CARM1: variants seen among roughly 807,000 people sequenced by gnomAD.
CARM1 encodes histone-arginine methyltransferase CARM1.
Under a neutral mutation model 72.7 loss-of-function variants are expected in CARM1, and 14 were observed. The observed-to-expected ratio is 0.19, with a 90% CI of 0.13 to 0.30. The LOEUF is 0.30. Ranked by LOEUF, CARM1 falls within the 10% of genes least tolerant of loss-of-function variation. The pLI is 1.00. For synonymous variants in CARM1, 333 were observed against 345.5 expected (o/e 0.96, Z 0.40); for missense variants, 432 against 833.7 (o/e 0.52, Z 5.93).
chr19:10,897,996 A>C (rs2074036311), intron 1 of CARM1, among the ~76,000 whole-genome samples: 1 of 151,570 alleles, frequency 6.6e-6, no homozygotes, highest in African/African-American at 2.4e-5. Context: ...AGTCCCAGCT[A>C]CTCGGGAGGC....
chr19:10,895,385 G>A (rs1685630160), intron 1 of CARM1, among the ~76,000 whole-genome samples: 1 of 152,216 alleles, frequency 6.6e-6, no homozygotes, highest in African/African-American at 2.4e-5. Flanking sequence ...GATTACAGGC[G>A]CAAGCCACTG....
chr19:10,881,118 A>G (rs1380390759), intron 1 of CARM1, among the ~76,000 whole-genome samples: 1 of 152,140 alleles, frequency 6.6e-6, no homozygotes, highest in African/African-American at 2.4e-5. Context: ...TTGAGCCATA[A>G]TCGTACCACT....
Position 10,913,904 on chromosome 19 carries a change from G to A in CARM1, c.697G>A (p.Asp233Asn). 6.2e-7 allele frequency: 1 copy of A among 1,613,476 alleles called. No homozygotes were observed. The highest frequency in any genetic ancestry group is 8.5e-7 in the Non-Finnish European group (1 of 1,179,916). Reference sequence around the variant, plus strand: ...CTTGGTGAAGAGTAACAACCTGACGGACCGCATCGTGGTCATCCCGGGCAA... The same window carrying A: ...CTTGGTGAAGAGTAACAACCTGACGAACCGCATCGTGGTCATCCCGGGCAA... The part of the protein sequence containing the change: ...EVLVKSNNLT[D>N]RIVVIPGKVE... Residue 233 changes from aspartate to asparagine, a missense_variant, in exon 6 of 16, where the codon GAC (aspartate) becomes AAC (asparagine). Physicochemically the swap from Asp to Asn is conservative, Grantham distance 23. Around this residue, in one of 3 missense-constraint regions of CARM1, gnomAD observed 152 missense variants for 452.8 expected, o/e 0.34. Transcript: ENST00000327064.
chr19:10,875,141 G>T (rs1424235854), intron 1 of CARM1, among the ~76,000 whole-genome samples: 4 of 152,134 alleles, frequency 2.6e-5, no homozygotes. Context: ...AACAGGAATG[G>T]ATTCTCTCTC....
At chr19:10,886,058 T>C (rs1260485600) in intron 1 of CARM1, among the ~76,000 whole-genome samples, 1 of 144,042 alleles carries the variant, frequency 6.9e-6, no homozygotes, top group Non-Finnish European at 1.5e-5. Flanking sequence ...CTTTCTTTCT[T>C]TTTTTTTTTT....
chr19:10,897,016 T>C (rs530425491), intron 1 of CARM1, among the ~76,000 whole-genome samples: 11 of 152,256 alleles, frequency 7.2e-5, no homozygotes, highest in African/African-American at 2.6e-4. Flanking sequence ...AATAGAATCA[T>C]TGTAGCAGAG....
chr19:10,906,177 C>T (rs1204495603), intron 2 of CARM1, among the ~76,000 whole-genome samples: 1 of 151,868 alleles, frequency 6.6e-6, no homozygotes. Flanking sequence ...TGGTCTCAAA[C>T]TCCTGGCCTC....
At chr19:10,889,084 G>A (rs929114151) in intron 1 of CARM1, among the ~76,000 whole-genome samples, 1 of 152,176 alleles carries the variant, frequency 6.6e-6, no homozygotes, top group Non-Finnish European at 1.5e-5. Flanking sequence ...GCTTTCTCCA[G>A]AGCCCACCTA....
chr19:10,910,475 C>T (rs1033975461), intron 4 of CARM1, among the ~76,000 whole-genome samples: 4 of 150,668 alleles, frequency 2.7e-5, no homozygotes, highest in Admixed American at 1.3e-4. Context: ...AGCAAGACTC[C>T]GTCTTAAAAA....
intron 1 of CARM1, among the ~76,000 whole-genome samples, chr19:10,887,167 A>C (rs1179286300): frequency 6.6e-6 from 1 of 152,166 alleles, no homozygotes; most frequent in African/African-American, 2.4e-5. Context: ...CCCTCCTGCC[A>C]CTTTTCCCAC....
At chr19:10,888,423 C>G (rs747881026) in intron 1 of CARM1, among the ~76,000 whole-genome samples, 6 of 152,186 alleles carry the variant, frequency 3.9e-5, no homozygotes, top group Admixed American at 6.5e-5. Context: ...GGTTTCCCCT[C>G]TTAAAAATAG....
intron 5 of CARM1, among the ~76,000 whole-genome samples, chr19:10,913,435 G>A (rs930672363): frequency 6.6e-6 from 1 of 151,990 alleles, no homozygotes; most frequent in African/African-American, 2.4e-5. Flanking sequence ...CTACTCGGGA[G>A]GCTGAGGTGG....
At chr19:10,872,778 ATCTCT>A (rs1568343308) in intron 1 of CARM1, among the ~76,000 whole-genome samples, 1 of 150,246 alleles carries the variant, frequency 6.7e-6, no homozygotes, top group African/African-American at 2.5e-5. Context: ...ACTCCTTCTT[ATCTCT>A]TCTCTTTGAT....
chr19:10,894,768 T>C (rs756645176), intron 1 of CARM1, among the ~76,000 whole-genome samples: 106 of 149,204 alleles, frequency 7.1e-4, no homozygotes, highest in Non-Finnish European at 1.0e-3. Flanking sequence ...TGAAATGGGG[T>C]CTCACTCTGT....
chr19:10,916,745 G>T lies in CARM1; in HGVS notation c.988G>T (p.Ala330Ser), dbSNP rs1568356432. The change falls in exon 8 of 16, where the codon GCG becomes TCG. Residue 330 changes from alanine (A) to serine (S), a missense_variant. This residue lies in a region of CARM1 where 152 missense variants were observed against 452.8 expected (regional missense o/e 0.34). Coordinates refer to ENST00000327064, the MANE Select transcript of CARM1 (RefSeq NM_199141.2). This position sits in a 1 kb window ranked among gnomAD's most constrained non-coding sequence, Gnocchi z 4.4. ...GGACCTGTCGGCCCTCCGAGGTGCC[G>T]CGGTGGATGAGTATTTCCGGCAGCC... Reference protein sequence around the residue: ...GVDLSALRGAAVDEYFRQPVV... With the variant: ...GVDLSALRGASVDEYFRQPVV... 3.2e-6 allele frequency: 5 copies of T among 1,552,408 alleles called. No individual in the cohort carries two copies. The highest frequency in any genetic ancestry group is 4.4e-6 in the Non-Finnish European group (5 of 1,147,768).
chr19:10,880,217 A>G (rs1402794490), intron 1 of CARM1, among the ~76,000 whole-genome samples: 1 of 152,204 alleles, frequency 6.6e-6, no homozygotes, highest in Admixed American at 6.5e-5. Context: ...TTGCAAAGAC[A>G]TCCAGGGAAG....
chr19:10,880,449 G>C (rs1192977448), intron 1 of CARM1, among the ~76,000 whole-genome samples: 1 of 152,046 alleles, frequency 6.6e-6, no homozygotes, highest in East Asian at 1.9e-4. Flanking sequence ...AGGCTCAAGG[G>C]ATTCTCCCTC....
rs2074092160 is a variant in CARM1, at chr19:10,904,965, G to A, written c.235G>A (p.Val79Ile). 1 of 1,614,214 alleles carries A rather than the reference G, an allele frequency of 6.2e-7. No homozygotes were observed. The highest frequency in any genetic ancestry group is 2.2e-5 in the East Asian group (1 of 44,890). Residue 79 changes from valine to isoleucine, a missense_variant, in exon 2 of 16, where the codon GTC (valine) becomes ATC (isoleucine). Physicochemically the swap from Val to Ile is conservative, Grantham distance 29 (BLOSUM62 3). Around this residue, in one of 3 missense-constraint regions of CARM1, gnomAD observed 138 missense variants for 192.3 expected, o/e 0.72. Coordinates refer to ENST00000327064, the MANE Select transcript of CARM1 (RefSeq NM_199141.2). ...TTCTCTCGTAGATGAAGATGTGTGT[G>A]TCTTTAAGTGCTCAGTGTCCCGAGA... is the stretch of plus-strand genomic sequence containing the variant. ...IALYSHEDVC[V>I]FKCSVSRETE...
intron 8 of CARM1, among the ~76,000 whole-genome samples, chr19:10,918,617 C>CT (rs956463087): frequency 1.8e-4 from 28 of 152,180 alleles, no homozygotes; most frequent in African/African-American, 6.5e-4. Flanking sequence ...CACAAGCGCA[C>CT]TGAGTGTGCA....
Sources: gnomAD v4.1 joint callset for allele counts (sites outside exome capture counted in the v4.1 genomes callset) on GRCh38, gnomAD v4.1.1 for gene constraint, gnomAD v4.1.1 regional missense constraint, Gnocchi (gnomAD v3.1) non-coding constraint, MANE v1.5 for transcripts, NCBI Gene and HGNC (gene_info 2026-07-23, HGNC 2026-07-21) for gene names.